The following SYNPO2 variants were observed in gnomAD, a reference collection of about 807,000 sequenced individuals.
SYNPO2 encodes the protein synaptopodin-2.
In SYNPO2, 56 loss-of-function variants were observed where a neutral mutation model predicts 85.0. The ratio of observed to expected loss-of-function variants is 0.66; its 90% CI spans 0.53 to 0.82. The LOEUF is 0.82. SYNPO2 is among the 40% of genes least tolerant of loss of function. The pLI is 0.00. For synonymous variants in SYNPO2, 602 were observed against 591.1 expected (o/e 1.02, Z -0.27); for missense variants, 1,575 against 1,534.2 (o/e 1.03, Z -0.44).
chr4:118,904,332 T>A (rs564773608), intron 1 of SYNPO2, among the ~76,000 whole-genome samples: 1 of 152,336 alleles, frequency 6.6e-6, no homozygotes, highest in Non-Finnish European at 1.5e-5. Flanking sequence ...TACTCAGTGA[T>A]TTTTGAGACC....
At position 118,958,248 on chromosome 4, in the gene SYNPO2, G is replaced by T. The variant is rs967359240; in HGVS notation, c.106-65182G>T. ...ACATACTTTCTTAAGTCAGAATATTGGTTTGGATGCCTGCGGTGCGTGTAT... is the reference window on the plus strand; with the variant it reads ...ACATACTTTCTTAAGTCAGAATATTTGTTTGGATGCCTGCGGTGCGTGTAT... On this transcript the variant is annotated intron_variant, in intron 1 of 4. Coordinates refer to ENST00000307142, the MANE Select transcript of SYNPO2 (RefSeq NM_133477.3). Among the ~76,000 whole-genome samples, 3 of 152,108 alleles carry T rather than the reference G, an allele frequency of 2.0e-5. No individual in the cohort carries two copies. In the East Asian group the frequency reaches 5.8e-4, roughly 29 times the overall value.
chr4:118,969,249 G>C (rs1039175533), intron 1 of SYNPO2, among the ~76,000 whole-genome samples: 1 of 152,146 alleles, frequency 6.6e-6, no homozygotes, highest in African/African-American at 2.4e-5. Context: ...ACATTTTTCT[G>C]ATATATTAAA....
At position 118,853,212 on chromosome 4, in the gene SYNPO2, G is replaced by A. The variant is rs140734390; in HGVS notation, c.12+2272G>A. Among the ~76,000 whole-genome samples, 754 of 152,240 alleles carry A rather than the reference G, an allele frequency of 5.0e-3. 6 individuals are homozygous for A. The highest frequency in any genetic ancestry group is 0.017 in the African/African-American group (726 of 41,548). The stretch of plus-strand genomic sequence containing the variant: ...ATTTGTATTTTCCTTTCAGCTCATA[G>A]CAAAAGTTCTGGGGCTTAGTAGGTT... On this transcript the variant is annotated intron_variant, in intron 1 of 4. Transcript: ENST00000610556.
rs147055167 is a variant in SYNPO2 at position 119,031,924 on chromosome 4, C to T, written c.3149C>T (p.Pro1050Leu). 2 of 1,614,218 alleles carry T rather than the reference C, an allele frequency of 1.2e-6. No homozygotes were observed. Among genetic ancestry groups the T allele is most frequent in the African/African-American group, 2.7e-5 (2 of 75,052 alleles). ...ASSPVSASPV[P>L]VGIPTSPKQE... ...TCACCAGTCAGTGCATCCCCAGTGC[C>T]TGTGGGCATTCCCACCTCGCCAAAG... Residue 1050 changes from proline to leucine, a missense_variant, in exon 4 of 5, where the codon CCT becomes CTT. Transcript: ENST00000307142.
At position 118,862,018 on chromosome 4, in the gene SYNPO2, T is replaced by C. The variant is rs577687669; in HGVS notation, c.12+11078T>C. On this transcript the variant is annotated intron_variant, in intron 1 of 4. Transcript: ENST00000610556. ...TTTTTGGTGTGTCCTCTTCAATTTC[T>C]TGCATCAATGTCTTATAGTTTTCAT... Among the ~76,000 whole-genome samples the C allele has an allele frequency of 3.9e-5, 6 of 152,336 alleles. No individual in the cohort carries two copies. The East Asian group carries it at 1.2e-3, about 29-fold the overall frequency.
rs147771017 is a variant in SYNPO2, at chr4:119,033,067, C to T, written c.3252+1040C>T. 5.5e-5 allele frequency: 54 copies of T among 985,092 alleles called. No individual in the cohort carries two copies. In the South Asian group the frequency reaches 5.6e-4, roughly 10 times the overall value. The allele number at this position is 985,092 out of a possible 1,614,324, so 61.0% of individuals were successfully genotyped here. On this transcript the variant is annotated intron_variant, in intron 4 of 4. Coordinates refer to ENST00000307142, the MANE Select transcript of SYNPO2 (RefSeq NM_133477.3). The stretch of plus-strand genomic sequence containing the variant: ...ACGAAGTAACATGTAAAAGGCAGGA[C>T]GCACATAAAGGTGTACATGGCTATT...
intron 4 of SYNPO2, among the ~76,000 whole-genome samples, chr4:119,039,101 G>A (rs1468836978): frequency 6.6e-6 from 1 of 152,026 alleles, no homozygotes; most frequent in African/African-American, 2.4e-5. Context: ...CCACTAATAA[G>A]GTAACAATTA....
At chr4:118,855,684 A>G (rs1369361618) in intron 1 of SYNPO2, among the ~76,000 whole-genome samples, 3 of 152,292 alleles carry the variant, frequency 2.0e-5, no homozygotes, top group South Asian at 4.1e-4. Flanking sequence ...TTTCAGGAAA[A>G]TGTCAGTGAC....
chr4:119,008,329 C>A (rs187524941), intron 1 of SYNPO2, among the ~76,000 whole-genome samples: 3 of 152,194 alleles, frequency 2.0e-5, no homozygotes, highest in East Asian at 3.9e-4. Context: ...TAGAACACTG[C>A]CTGCTGCTGG....
Position 119,027,061 on chromosome 4 carries a change from C to T in SYNPO2, c.692C>T (p.Pro231Leu). 6.2e-7 allele frequency: 1 copy of T among 1,614,150 alleles called. No homozygotes were observed. The highest frequency in any genetic ancestry group is 1.1e-5 in the South Asian group (1 of 91,072). ...AEKSKSPDPDPNLSHDRIVHI... is the reference protein window; with the variant it reads ...AEKSKSPDPDLNLSHDRIVHI... ...AAATCTAAGTCTCCTGACCCAGACCCTAACTTGTCACATGACAGGATTGTC... is the reference window on the plus strand; with the variant it reads ...AAATCTAAGTCTCCTGACCCAGACCTTAACTTGTCACATGACAGGATTGTC... Residue 231 changes from proline (P) to leucine (L), a missense_variant, in exon 3 of 5, where the codon CCT becomes CTT. Transcript: ENST00000307142.
At chr4:118,977,004 C>T (rs547882533) in intron 1 of SYNPO2, among the ~76,000 whole-genome samples, 70 of 152,342 alleles carry the variant, frequency 4.6e-4, no homozygotes, top group Admixed American at 8.5e-4. Flanking sequence ...GATCCCGCAC[C>T]GGGGCTGCAG....
intron 4 of SYNPO2, chr4:119,032,682 G>A: frequency 1.0e-6 from 1 of 981,212 alleles, no homozygotes; most frequent in African/African-American, 1.7e-5. Flanking sequence ...TAGGTTCTTT[G>A]CCAGATGTTT....
In SYNPO2 at chr4:118,916,732, T is replaced by TC. The variant is rs535115445; in HGVS notation, c.105+27591_105+27592insC. On this transcript the variant is annotated intron_variant, in intron 1 of 4. Transcript: ENST00000307142. ...TCTTCCTCTTTTATTTTTCTTTCTT[T>TC]TTTTTTTTTTTTTTTCTAGAAACAG... Among the ~76,000 whole-genome samples, 397 of 144,176 alleles carry TC rather than the reference T, an allele frequency of 2.8e-3. 5 individuals are homozygous for TC. Among genetic ancestry groups the TC allele is most frequent in the African/African-American group, 9.0e-3 (355 of 39,316 alleles). 94.6% of individuals were successfully genotyped at this position (144,176 alleles called of 152,430 possible). A position where few individuals can be genotyped will look rare whatever the true frequency, so the allele number is the denominator to read the frequency against.
chr4:119,049,876 C>G (rs1738979996), intron 4 of SYNPO2, among the ~76,000 whole-genome samples: 1 of 152,208 alleles, frequency 6.6e-6, no homozygotes. Context: ...ATGCGATGCA[C>G]TGTATTCCCT....
intron 1 of SYNPO2, among the ~76,000 whole-genome samples, chr4:118,998,764 T>C (rs1323873022): frequency 2.6e-5 from 4 of 152,250 alleles, no homozygotes; most frequent in Admixed American, 2.6e-4. Context: ...CTTTCACAAC[T>C]CTGCAACTTT....
intron 1 of SYNPO2, among the ~76,000 whole-genome samples, chr4:118,879,504 T>G (rs1245706688): frequency 6.6e-6 from 1 of 152,134 alleles, no homozygotes; most frequent in Admixed American, 6.5e-5. Context: ...TTTCTCTATG[T>G]GAGGACACAA....
chr4:118,905,467 A>T (rs1455572497), intron 1 of SYNPO2, among the ~76,000 whole-genome samples: 2 of 139,866 alleles, frequency 1.4e-5, no homozygotes, highest in African/African-American at 2.6e-5. Flanking sequence ...TGTGTCTGTG[A>T]GAGAGAGAGA....
intron 1 of SYNPO2, among the ~76,000 whole-genome samples, chr4:118,919,783 A>G (rs906053977): frequency 1.3e-5 from 2 of 152,228 alleles, no homozygotes; most frequent in African/African-American, 2.4e-5. Context: ...GGCATAAACC[A>G]GCACGATCTG....
intron 1 of SYNPO2, among the ~76,000 whole-genome samples, chr4:118,865,391 CG>C (rs1396594147): frequency 6.6e-6 from 1 of 151,996 alleles, no homozygotes; most frequent in African/African-American, 2.4e-5. Context: ...ACCATAAAGC[CG>C]AATATGGAAG....
Sources: gnomAD v4.1 joint callset for allele counts (sites outside exome capture counted in the v4.1 genomes callset) on GRCh38, gnomAD v4.1.1 for gene constraint, MANE v1.5 for transcripts, NCBI Gene and HGNC (gene_info 2026-07-23, HGNC 2026-07-21) for gene names.